PDF: variants seen among roughly 807,000 people sequenced by gnomAD.
PDF encodes peptide deformylase-like protein.
A neutral mutation model predicts 20.3 loss-of-function variants in PDF; 31 were observed. The observed-to-expected ratio is 1.52, with a 90% CI of 1.15 to 2.06. The LOEUF (loss-of-function observed/expected upper bound fraction) is 2.06, where lower values mean the gene tolerates loss of function less well. Ranked by LOEUF, PDF falls within the 30% of genes most tolerant of loss-of-function variation. The pLI, the probability that PDF is intolerant of heterozygous loss-of-function variation, is 0.00. For synonymous variants in PDF, 254 were observed against 172.0 expected, an observed-to-expected ratio of 1.48 and a Z score of -3.73; for missense variants, 447 against 362.5, an observed-to-expected ratio of 1.23 and a Z score of -1.89.
chr16:69,329,202 G>T, intron 1 of PDF, 23 bp from the exon 2 acceptor site: 2 of 1,564,932 alleles, frequency 1.3e-6, no homozygotes, highest in Non-Finnish European at 8.6e-7. Context: ...TTACAGCCCT[G>T]GTGAGTGGGA....
rs1440854884 is a variant in PDF, at chr16:69,330,439, C to G, written c.132G>C (p.Leu44=). Residue 44 remains leucine, a synonymous_variant, in exon 1 of 2, where the codon CTG becomes CTC. Coordinates refer to ENST00000288022, the MANE Select transcript of PDF (RefSeq NM_022341.2). ...AAPDGVEGPA[L]RRSYWRHLRR... is the part of the protein sequence containing the mutation. ...TCAGGTGGCGCCAATAGGAGCGCCG[C>G]AGCGCCGGGCCCTCGACGCCGTCCG... is the stretch of plus-strand genomic sequence containing the variant. 6.8e-7 allele frequency: 1 copy of G among 1,473,950 alleles called. No individual in the cohort carries two copies. The highest frequency in any genetic ancestry group is 8.9e-7 in the Non-Finnish European group (1 of 1,120,902). 91.3% of individuals were successfully genotyped at this position (1,473,950 alleles called of 1,614,324 possible).
rs746860307 is a variant in PDF, at chr16:69,329,011, G to A, written c.*11C>T. On this transcript the variant is annotated 3_prime_UTR_variant, in exon 2 of 2. Transcript: ENST00000288022. ...TTGGTATCCGGAATCCTCAGCCCCA[G>A]TAGCAAAGCTTTAGTCATTCACCTT... 4.4e-6 allele frequency: 7 copies of A among 1,601,564 alleles called. No homozygotes were observed. The highest frequency in any genetic ancestry group is 5.1e-6 in the Non-Finnish European group (6 of 1,176,480).
chr16:69,330,527 G>A lies in PDF; in HGVS notation c.44C>T (p.Ala15Val), dbSNP rs934990473. 1.0e-5 allele frequency: 15 copies of A among 1,475,968 alleles called. No individual in the cohort carries two copies. Among genetic ancestry groups the A allele is most frequent in the Admixed American group, 4.8e-5 (2 of 41,578 alleles). 91.4% of individuals were successfully genotyped at this position (1,475,968 alleles called of 1,614,324 possible). The change falls in exon 1 of 2, where the codon GCG (alanine) becomes GTG (valine). Residue 15 changes from alanine to valine, a missense_variant. Transcript: ENST00000288022. ...TGCCGCCCCGCCCCACGGCACGGCC[G>A]CCCACAGTGGCCAAAGACTCAGCGC... is the stretch of plus-strand genomic sequence containing the variant. ...WGALSLWPLWAAVPWGGAAAV... is the reference protein window; with the variant it reads ...WGALSLWPLWVAVPWGGAAAV...
rs1311839984 is a variant in PDF at position 69,330,327 on chromosome 16, C to G, written c.244G>C (p.Val82Leu). ...DPVLRGVAAPVERAQLGGPEL... is the reference protein window; with the variant it reads ...DPVLRGVAAPLERAQLGGPEL... ...GGCCCGCCTAGCTGCGCCCGCTCCA[C>G]CGGGGCCGCCACGCCGCGCAGCACC... The change falls in exon 1 of 2, where the codon GTG becomes CTG. Residue 82 changes from valine (V) to leucine (L), a missense_variant. Coordinates refer to ENST00000288022, the MANE Select transcript of PDF (RefSeq NM_022341.2). 6.2e-6 allele frequency: 9 copies of G among 1,450,654 alleles called. No individual in the cohort carries two copies. The highest frequency in any genetic ancestry group is 8.1e-6 in the Non-Finnish European group (9 of 1,109,558). 89.9% of individuals were successfully genotyped at this position (1,450,654 alleles called of 1,614,324 possible).
Position 69,330,469 on chromosome 16 carries a change from G to A in PDF, c.102C>T (p.Ala34=). 6.8e-7 allele frequency: 1 copy of A among 1,471,268 alleles called. No homozygotes were observed. The highest frequency in any genetic ancestry group is 8.9e-7 in the Non-Finnish European group (1 of 1,119,736). The allele number at this position is 1,471,268 out of a possible 1,614,324, so 91.1% of individuals were successfully genotyped here. A position where few individuals can be genotyped will look rare whatever the true frequency, so the allele number is the denominator to read the frequency against. ...CCGGGCCCTCGACGCCGTCCGGGGC[G>A]GCCGTGGAGCTGCAAGCCCGGACAC... is the stretch of plus-strand genomic sequence containing the variant. The part of the protein sequence containing the change: ...AVGVRACSST[A]APDGVEGPAL... The change falls in exon 1 of 2, where the codon GCC becomes GCT. Residue 34 remains alanine (A), a synonymous_variant. Coordinates refer to ENST00000288022, the MANE Select transcript of PDF (RefSeq NM_022341.2).
intron 1 of PDF, among the ~76,000 whole-genome samples, chr16:69,329,593 G>C (rs1014317751): frequency 6.6e-6 from 1 of 152,202 alleles, no homozygotes; most frequent in African/African-American, 2.4e-5. Context: ...CCCCAGCAGA[G>C]CCCGCATTCC....
In PDF at chr16:69,328,463, A is replaced by G. The variant is rs1965669967; in HGVS notation, c.*559T>C. 2 of 153,750 alleles carry G rather than the reference A, an allele frequency of 1.3e-5. No individual in the cohort carries two copies. The highest frequency in any genetic ancestry group is 2.9e-5 in the Non-Finnish European group (2 of 69,176). 9.5% of individuals were successfully genotyped at this position (153,750 alleles called of 1,614,324 possible). ...AGCTGCTCTAGGGATCTCAGCAGCA[A>G]AATCCTGCCCAAGGCTGTTAAAATG... On this transcript the variant is annotated 3_prime_UTR_variant, in exon 2 of 2. Transcript: ENST00000288022.
rs1357031309 is a variant in PDF, at chr16:69,329,245, C to T, written c.575-66G>A. On this transcript the variant is annotated intron_variant, in intron 1 of 1. Coordinates refer to ENST00000288022, the MANE Select transcript of PDF (RefSeq NM_022341.2). ...AACTGCATCATCCTCAACCTCCCTA[C>T]CCCTGCCCCCGGTCCTGGCTGTTCC... is the stretch of plus-strand genomic sequence containing the variant. The T allele has an allele frequency of 7.6e-6, 11 of 1,450,102 alleles. No individual in the cohort carries two copies. The South Asian group carries it at 1.4e-4, about 19-fold the overall frequency. The allele number at this position is 1,450,102 out of a possible 1,614,324, so 89.8% of individuals were successfully genotyped here. A position where few individuals can be genotyped will look rare whatever the true frequency, so the allele number is the denominator to read the frequency against.
intron 1 of PDF, 95 bp downstream of exon 1, chr16:69,329,902 C>A: frequency 7.3e-7 from 1 of 1,371,418 alleles, no homozygotes; most frequent in Non-Finnish European, 9.5e-7. Flanking sequence ...GCGGGAGGTC[C>A]GGCGTATGAA....
Position 69,330,510 on chromosome 16 carries a change from C to A in PDF, c.61G>T (p.Gly21Trp), listed in dbSNP as rs964493606. The change falls in exon 1 of 2, where the codon GGG (glycine) becomes TGG (tryptophan). Residue 21 changes from glycine to tryptophan, a missense_variant. Transcript: ENST00000288022. ...WPLWAAVPWGGAAAVGVRACS... is the reference protein window; with the variant it reads ...WPLWAAVPWGWAAAVGVRACS... The stretch of plus-strand genomic sequence containing the variant: ...GCCCGGACACCGACGGCTGCCGCCC[C>A]GCCCCACGGCACGGCCGCCCACAGT... The A allele has an allele frequency of 6.8e-7, 1 of 1,472,180 alleles. No individual in the cohort carries two copies. Among genetic ancestry groups the A allele is most frequent in the Admixed American group, 2.5e-5 (1 of 40,748 alleles). The allele number at this position is 1,472,180 out of a possible 1,614,324, so 91.2% of individuals were successfully genotyped here.
chr16:69,330,480 T>C lies in PDF; in HGVS notation c.91A>G (p.Ser31Gly). 2 of 1,473,548 alleles carry C rather than the reference T, an allele frequency of 1.4e-6. No individual in the cohort carries two copies. Among genetic ancestry groups the C allele is most frequent in the Non-Finnish European group, 1.8e-6 (2 of 1,121,064 alleles). 91.3% of individuals were successfully genotyped at this position (1,473,548 alleles called of 1,614,324 possible). The change falls in exon 1 of 2, where the codon AGC becomes GGC. Residue 31 changes from serine (S) to glycine (G), a missense_variant. Physicochemically the swap from Ser to Gly is moderately conservative, Grantham distance 56 (BLOSUM62 0). Coordinates refer to ENST00000288022, the MANE Select transcript of PDF (RefSeq NM_022341.2). ...GAAAVGVRAC[S>G]STAAPDGVEG... ...ACGCCGTCCGGGGCGGCCGTGGAGC[T>C]GCAAGCCCGGACACCGACGGCTGCC...
At position 69,330,024 on chromosome 16, in the gene PDF, G is replaced by A. The variant is rs750371302; in HGVS notation, c.547C>T (p.Pro183Ser). 19 of 1,542,034 alleles carry A rather than the reference G, an allele frequency of 1.2e-5. No individual in the cohort carries two copies. The Admixed American group carries it at 3.7e-4, about 30-fold the overall frequency. The change falls in exon 1 of 2, where the codon CCC (proline) becomes TCC (serine). Residue 183 changes from proline (P) to serine (S), a missense_variant. Physicochemically the swap from Pro to Ser is moderately conservative, Grantham distance 74 (BLOSUM62 -1). Transcript: ENST00000288022. ...GAGATCTGCACCGCCTGGAAGCGGG[G>A]CACGCAGGCCAGGAAGCCGGCGACG... The part of the protein sequence containing the change: ...ESVAGFLACV[P>S]RFQAVQISGL...
At chr16:69,329,245 C>A (rs1357031309) in intron 1 of PDF, 66 bp from the exon 2 acceptor site, 7 of 1,449,984 alleles carry the variant, frequency 4.8e-6, no homozygotes, top group Non-Finnish European at 6.3e-6. Flanking sequence ...AACCTCCCTA[C>A]CCCTGCCCCC....
Position 69,327,923 on chromosome 16 carries a change from T to G in PDF, c.*1099A>C, listed in dbSNP as rs1242851909. On this transcript the variant is annotated 3_prime_UTR_variant, in exon 2 of 2. Coordinates refer to ENST00000288022, the MANE Select transcript of PDF (RefSeq NM_022341.2). Reference sequence around the variant, plus strand: ...AGACAAAGCTGACACTTTTTTTTTTTGAGACAGAGAAAAAAAGAAAACTCT... The same window carrying G: ...AGACAAAGCTGACACTTTTTTTTTTGGAGACAGAGAAAAAAAGAAAACTCT... 1 of 152,000 alleles carries G rather than the reference T, an allele frequency of 6.6e-6. No homozygotes were observed. Among genetic ancestry groups the G allele is most frequent in the East Asian group, 1.9e-4 (1 of 5,186 alleles). 9.4% of individuals were successfully genotyped at this position (152,000 alleles called of 1,614,324 possible).
intron 1 of PDF, among the ~76,000 whole-genome samples, chr16:69,329,550 G>A (rs957423069): frequency 3.3e-5 from 5 of 152,204 alleles, no homozygotes; most frequent in Non-Finnish European, 7.3e-5. Flanking sequence ...ATCTTGAACC[G>A]ACGGGCTTGC....
In PDF at chr16:69,327,554, G is replaced by A. The variant is rs1395731456; in HGVS notation, c.*1468C>T. The A allele has an allele frequency of 6.6e-6, 1 of 152,024 alleles. No homozygotes were observed. Among genetic ancestry groups the A allele is most frequent in the African/African-American group, 2.4e-5 (1 of 41,386 alleles). 9.4% of individuals were successfully genotyped at this position (152,024 alleles called of 1,614,324 possible). A position where few individuals can be genotyped will look rare whatever the true frequency, so the allele number is the denominator to read the frequency against. On this transcript the variant is annotated 3_prime_UTR_variant, in exon 2 of 2. Coordinates refer to ENST00000288022, the MANE Select transcript of PDF (RefSeq NM_022341.2). ...GGCCTCAGAGAAAGCCACAAAGGAGGATGGGTCTTTCCTGGGTTCATTTAA... is the reference window on the plus strand; with the variant it reads ...GGCCTCAGAGAAAGCCACAAAGGAGAATGGGTCTTTCCTGGGTTCATTTAA...
chr16:69,330,220 C>A lies in PDF; in HGVS notation c.351G>T (p.Gly117=), dbSNP rs2011681654. ...RCVGLSAPQL[G]VPRQVLALEL... Reference sequence around the variant, plus strand: ...CCAGCGCCAGCACCTGCCGCGGCACCCCCAGCTGCGGCGCGCTTAGGCCCA... The same window carrying A: ...CCAGCGCCAGCACCTGCCGCGGCACACCCAGCTGCGGCGCGCTTAGGCCCA... The change falls in exon 1 of 2, where the codon GGG becomes GGT. Residue 117 remains glycine, a synonymous_variant. Transcript: ENST00000288022. 1 of 1,453,458 alleles carries A rather than the reference C, an allele frequency of 6.9e-7. No individual in the cohort carries two copies. The allele number at this position is 1,453,458 out of a possible 1,614,324, so 90.0% of individuals were successfully genotyped here. A position where few individuals can be genotyped will look rare whatever the true frequency, so the allele number is the denominator to read the frequency against.
chr16:69,330,267 C>T lies in PDF; in HGVS notation c.304G>A (p.Val102Met), dbSNP rs759564877. The change falls in exon 1 of 2, where the codon GTG (valine) becomes ATG (methionine). Residue 102 changes from valine (V) to methionine (M), a missense_variant. By Grantham distance (21) the Val-to-Met change is conservative. Coordinates refer to ENST00000288022, the MANE Select transcript of PDF (RefSeq NM_022341.2). ...LQRLTQRLVQVMRRRRCVGLS... is the reference protein window; with the variant it reads ...LQRLTQRLVQMMRRRRCVGLS... ...CCCACGCAGCGCCGCCGCCGCATCA[C>T]CTGGACCAGCCGTTGCGTCAGCCGC... The T allele has an allele frequency of 2.4e-5, 34 of 1,436,654 alleles. 2 individuals carry two copies. The South Asian group carries it at 4.6e-4, about 20-fold the overall frequency. 89.0% of individuals were successfully genotyped at this position (1,436,654 alleles called of 1,614,324 possible).
Position 69,328,631 on chromosome 16 carries a change from T to G in PDF, c.*391A>C, listed in dbSNP as rs545346173. Reference sequence around the variant, plus strand: ...AACTCGGCACAAATGGCCAGTCACATGCTTACCTGCATTTTTAAAGACAGC... The same window carrying G: ...AACTCGGCACAAATGGCCAGTCACAGGCTTACCTGCATTTTTAAAGACAGC... On this transcript the variant is annotated 3_prime_UTR_variant, in exon 2 of 2. Transcript: ENST00000288022. 4.8e-6 allele frequency: 1 copy of G among 207,478 alleles called. No homozygotes were observed. The highest frequency in any genetic ancestry group is 7.1e-5 in the South Asian group (1 of 14,062). The allele number at this position is 207,478 out of a possible 1,614,324, so 12.9% of individuals were successfully genotyped here.
Sources: allele counts gnomAD v4.1 joint callset (sites outside exome capture counted in the v4.1 genomes callset), GRCh38; gene constraint gnomAD v4.1.1; transcripts MANE v1.5; gene names NCBI Gene and HGNC (gene_info 2026-07-23, HGNC 2026-07-21).